Variants in PRKD1 observed in about 807,000 individuals in gnomAD.
The protein encoded by PRKD1 is serine/threonine-protein kinase D1.
PRKD1 carries 63 observed loss-of-function variants against 95.9 expected under a neutral mutation model. The observed-to-expected ratio is 0.66, with a 90% CI of 0.54 to 0.81. The LOEUF (loss-of-function observed/expected upper bound fraction) is 0.81. PRKD1 is among the 30% of genes least tolerant of loss of function. The probability of loss-of-function intolerance (pLI) is 0.00; values close to 1 mark genes in which losing one functional copy is unlikely to be tolerated. For missense variants in PRKD1, 1,048 were observed against 1,165.3 expected (o/e 0.90, Z 1.47); for synonymous variants, 425 against 423.1 (o/e 1.00, Z -0.05).
intron 12 of PRKD1, 72 bp downstream of exon 12, chr14:29,626,412 G>T: frequency 1.6e-6 from 2 of 1,221,758 alleles, no homozygotes; most frequent in Non-Finnish European, 2.4e-6. Flanking sequence ...TGTTTTTCCT[G>T]TAAATATCGC....
At chr14:29,873,547 T>C (rs2139382060) in intron 1 of PRKD1, among the ~76,000 whole-genome samples, 1 of 152,318 alleles carries the variant, frequency 6.6e-6, no homozygotes, top group East Asian at 1.9e-4. Context: ...TACAAAATGC[T>C]TTGTACATAA....
chr14:29,774,123 C>A (rs191603769), intron 1 of PRKD1, among the ~76,000 whole-genome samples: 1 of 152,042 alleles, frequency 6.6e-6, no homozygotes, highest in Non-Finnish European at 1.5e-5. Flanking sequence ...GAGAATCAAC[C>A]GCAAAAACAA....
At chr14:29,787,939 C>T (rs945848328) in intron 1 of PRKD1, among the ~76,000 whole-genome samples, 1 of 152,000 alleles carries the variant, frequency 6.6e-6, no homozygotes, top group African/African-American at 2.4e-5. Flanking sequence ...TTTATCTTTA[C>T]AAATTGGTGG....
intron 1 of PRKD1, among the ~76,000 whole-genome samples, chr14:29,874,916 G>T (rs1427960054): frequency 6.6e-6 from 1 of 152,118 alleles, no homozygotes; most frequent in Admixed American, 6.6e-5. Context: ...AAGTTCTAAT[G>T]TTCCAAAGCA....
chr14:29,815,719 C>T (rs1890659956), intron 1 of PRKD1, among the ~76,000 whole-genome samples: 1 of 152,196 alleles, frequency 6.6e-6, no homozygotes, highest in Admixed American at 6.5e-5. Flanking sequence ...CCATGAAACA[C>T]TTCCAACTGT....
intron 16 of PRKD1, among the ~76,000 whole-genome samples, chr14:29,583,631 T>A (rs977887874): frequency 1.3e-5 from 2 of 152,154 alleles, no homozygotes; most frequent in African/African-American, 2.4e-5. Context: ...TTTTAATACC[T>A]TGTCTTAAAT....
intron 1 of PRKD1, among the ~76,000 whole-genome samples, chr14:29,901,929 G>A (rs10151420): frequency 0.083 from 12,604 of 152,164 alleles, 779 homozygotes; most frequent in African/African-American, 0.17. Context: ...CTTTGACTTT[G>A]TACCTCCAAA....
At chr14:29,764,955 A>T (rs1050741705) in intron 1 of PRKD1, among the ~76,000 whole-genome samples, 2 of 152,298 alleles carry the variant, frequency 1.3e-5, no homozygotes, top group Admixed American at 6.5e-5. Context: ...GAAAATATAG[A>T]TTCTTTTTGG....
At chr14:29,885,080 A>G (rs942055954) in intron 1 of PRKD1, among the ~76,000 whole-genome samples, 1 of 149,262 alleles carries the variant, frequency 6.7e-6, no homozygotes, top group Non-Finnish European at 1.5e-5. Flanking sequence ...CCGAGATCGC[A>G]CCACTGCACT....
chr14:29,632,865 T>G lies in PRKD1; in HGVS notation c.1392+4A>C, dbSNP rs574745829. On this transcript the variant is annotated splice_donor_region_variant and intron_variant, in intron 9 of 17. Coordinates refer to ENST00000331968, the MANE Select transcript of PRKD1 (RefSeq NM_002742.3). The stretch of plus-strand genomic sequence containing the variant: ...GAAACTACAAAGAAAGAGCCCACTC[T>G]TACCTTGTAGTACCTGCTTCCTGTG... 1 of 1,606,354 alleles carries G rather than the reference T, an allele frequency of 6.2e-7. No individual in the cohort carries two copies. Among genetic ancestry groups the G allele is most frequent in the East Asian group, 2.2e-5 (1 of 44,840 alleles).
chr14:29,908,681 G>A (rs1191165313), intron 1 of PRKD1, among the ~76,000 whole-genome samples: 1 of 152,234 alleles, frequency 6.6e-6, no homozygotes, highest in African/African-American at 2.4e-5. Flanking sequence ...TCAAAGAGTA[G>A]GGTACAAGTT....
At chr14:29,704,462 T>G (rs1884983554) in intron 2 of PRKD1, among the ~76,000 whole-genome samples, 1 of 152,166 alleles carries the variant, frequency 6.6e-6, no homozygotes, top group Admixed American at 6.6e-5. Context: ...CTACTTTGAA[T>G]GACAAGAAAT....
chr14:29,772,139 T>A (rs555554332), intron 1 of PRKD1, among the ~76,000 whole-genome samples: 2 of 152,322 alleles, frequency 1.3e-5, no homozygotes, highest in Non-Finnish European at 2.9e-5. Context: ...TGGGGGATAT[T>A]GGGATGGAAT....
chr14:29,746,438 C>T (rs940633735), intron 1 of PRKD1, among the ~76,000 whole-genome samples: 3 of 151,990 alleles, frequency 2.0e-5, no homozygotes, highest in Non-Finnish European at 4.4e-5. Flanking sequence ...GAACATTCTT[C>T]CACATAAAAG....
At position 29,884,211 on chromosome 14, in the gene PRKD1, T is replaced by C. The variant is rs187011229; in HGVS notation, c.264+43038A>G. ...AAAAGCATTTTTTTAAAACAATGAA[T>C]GCAATTTGTATACAATTTTTACTGG... On this transcript the variant is annotated intron_variant, in intron 1 of 17. Transcript: ENST00000331968. 2.1e-3 allele frequency among the ~76,000 whole-genome samples: 316 copies of C among 152,346 alleles called. 4 individuals are homozygous for C. Among genetic ancestry groups the C allele is most frequent in the African/African-American group, 7.0e-3 (290 of 41,590 alleles).
At chr14:29,603,444 T>G (rs1893595668) in intron 13 of PRKD1, among the ~76,000 whole-genome samples, 1 of 152,220 alleles carries the variant, frequency 6.6e-6, no homozygotes. Context: ...TTAGTCAAAC[T>G]TCTTATACTG....
intron 1 of PRKD1, among the ~76,000 whole-genome samples, chr14:29,792,867 T>C (rs558182908): frequency 1.3e-5 from 2 of 152,218 alleles, no homozygotes; most frequent in South Asian, 4.1e-4. Flanking sequence ...AGTGTTAAAG[T>C]GCTGCCAATT....
At chr14:29,625,648 T>C (rs1022112735) in intron 12 of PRKD1, among the ~76,000 whole-genome samples, 1 of 152,228 alleles carries the variant, frequency 6.6e-6, no homozygotes, top group African/African-American at 2.4e-5. Context: ...TAGTGGCTCA[T>C]GATAGGTTTC....
chr14:29,831,296 T>C (rs868285361), intron 1 of PRKD1, among the ~76,000 whole-genome samples: 8 of 152,102 alleles, frequency 5.3e-5, no homozygotes, highest in Non-Finnish European at 8.8e-5. Flanking sequence ...ATTTTCAAGT[T>C]TGGAAGAAAC....
Sources: allele counts gnomAD v4.1 joint callset (sites outside exome capture counted in the v4.1 genomes callset), GRCh38; gene constraint gnomAD v4.1.1; transcripts MANE v1.5; gene names NCBI Gene and HGNC (gene_info 2026-07-23, HGNC 2026-07-21).